The following IMMP2L variants were observed in gnomAD, a reference collection of about 807,000 sequenced individuals.
IMMP2L encodes the protein inner mitochondrial membrane peptidase subunit 2.
A neutral mutation model predicts 19.3 loss-of-function variants in IMMP2L; 18 were observed. The ratio of observed to expected loss-of-function variants is 0.93; its 90% confidence interval spans 0.64 to 1.38. The LOEUF (loss-of-function observed/expected upper bound fraction) is 1.38. IMMP2L is among the 40% of genes most tolerant of loss of function. The pLI is 0.00. For synonymous variants in IMMP2L, 76 were observed against 73.0 expected, an observed-to-expected ratio of 1.04 and a Z score of -0.21; for missense variants, 233 against 218.2, an observed-to-expected ratio of 1.07 and a Z score of -0.43.
At chr7:111,250,613 A>G (rs1171078350) in intron 3 of IMMP2L, among the ~76,000 whole-genome samples, 1 of 152,174 alleles carries the variant, frequency 6.6e-6, no homozygotes, top group Non-Finnish European at 1.5e-5. Flanking sequence ...GTCTACAACC[A>G]TCTGATTTTT....
chr7:110,844,834 G>A (rs931457596), intron 5 of IMMP2L, among the ~76,000 whole-genome samples: 2 of 151,900 alleles, frequency 1.3e-5, no homozygotes, highest in African/African-American at 4.8e-5. Flanking sequence ...CTATGGCCAG[G>A]AAATTTACTG....
In IMMP2L at chr7:111,214,796, A is replaced by AG. The variant is rs577811232; in HGVS notation, c.240-251232_240-251231insC. ...GCTCCATAACCATGTAAAAAAAAAA[A>AG]AGAGAGAGAGATAGAGATTAAAGTA... On this transcript the variant is annotated intron_variant, in intron 3 of 5. Transcript: ENST00000405709. 2.4e-4 allele frequency among the ~76,000 whole-genome samples: 36 copies of AG among 151,842 alleles called. 1 individual carries two copies. In the East Asian group the frequency reaches 5.4e-3, roughly 23 times the overall value.
intron 3 of IMMP2L, among the ~76,000 whole-genome samples, chr7:111,067,858 T>C (rs956666360): frequency 6.6e-6 from 1 of 151,826 alleles, no homozygotes; most frequent in African/African-American, 2.4e-5. Context: ...GCAAGAGAAA[T>C]AGGGAATGAA....
At chr7:111,129,796 G>A (rs963273291) in intron 3 of IMMP2L, among the ~76,000 whole-genome samples, 1 of 151,924 alleles carries the variant, frequency 6.6e-6, no homozygotes, top group Non-Finnish European at 1.5e-5. Flanking sequence ...TCTTCTAAAG[G>A]AAAATGAAAA....
chr7:111,108,297 T>G (rs1798778671), intron 3 of IMMP2L, among the ~76,000 whole-genome samples: 1 of 152,196 alleles, frequency 6.6e-6, no homozygotes, highest in African/African-American at 2.4e-5. Context: ...GCTCTTTTTG[T>G]TGTTGATACA....
At chr7:111,535,439 C>A (rs1167542570) in intron 1 of IMMP2L, among the ~76,000 whole-genome samples, 2 of 152,062 alleles carry the variant, frequency 1.3e-5, no homozygotes, top group Non-Finnish European at 2.9e-5. Flanking sequence ...AAAACAATCT[C>A]ATTAATATTC....
intron 3 of IMMP2L, among the ~76,000 whole-genome samples, chr7:110,964,468 A>G (rs1394393603): frequency 3.9e-5 from 6 of 152,218 alleles, no homozygotes; most frequent in Admixed American, 3.9e-4. Context: ...TATAGAATTC[A>G]GAGCGCTAAA....
chr7:111,180,331 A>C (rs1807564441), intron 3 of IMMP2L, among the ~76,000 whole-genome samples: 1 of 151,936 alleles, frequency 6.6e-6, no homozygotes, highest in Non-Finnish European at 1.5e-5. Context: ...AGTTGGCCTA[A>C]TTTCAATATT....
chr7:110,799,325 AAAACCAAGT>A, intron 5 of IMMP2L, among the ~76,000 whole-genome samples: 1 of 152,174 alleles, frequency 6.6e-6, no homozygotes, highest in East Asian at 1.9e-4. Context: ...CTCCTTCACT[AAAACCAAGT>A]GAAAGGGGAC....
chr7:111,521,619 T>C (rs1175237558), intron 1 of IMMP2L, among the ~76,000 whole-genome samples, 170 bp from the exon 2 acceptor site: 1 of 152,168 alleles, frequency 6.6e-6, no homozygotes, highest in Non-Finnish European at 1.5e-5. Context: ...CTTAAAGTCC[T>C]AAAGTGAAAT....
chr7:111,084,521 G>C (rs1796150543), intron 3 of IMMP2L, among the ~76,000 whole-genome samples: 1 of 152,066 alleles, frequency 6.6e-6, no homozygotes, highest in African/African-American at 2.4e-5. Context: ...ACTTGCAAGA[G>C]CACTGATATA....
At chr7:111,435,299 G>C (rs1837044976) in intron 3 of IMMP2L, among the ~76,000 whole-genome samples, 1 of 151,698 alleles carries the variant, frequency 6.6e-6, no homozygotes, top group Non-Finnish European at 1.5e-5. Context: ...CATCAATGGA[G>C]GATTTCATAA....
intron 3 of IMMP2L, among the ~76,000 whole-genome samples, chr7:111,285,353 T>G (rs1166789869): frequency 3.9e-5 from 6 of 152,114 alleles, no homozygotes; most frequent in Non-Finnish European, 8.8e-5. Context: ...TTAGCAATGT[T>G]TCCTTGGGAA....
intron 5 of IMMP2L, among the ~76,000 whole-genome samples, chr7:110,834,232 G>A (rs1469819223): frequency 6.6e-6 from 1 of 152,088 alleles, no homozygotes; most frequent in African/African-American, 2.4e-5. Context: ...GAAATTCACT[G>A]TAGTTACTGC....
At chr7:110,715,698 C>T (rs188403472) in intron 5 of IMMP2L, among the ~76,000 whole-genome samples, 26 of 152,042 alleles carry the variant, frequency 1.7e-4, no homozygotes, top group Admixed American at 5.9e-4. Flanking sequence ...TGAGCATGTT[C>T]GGGGTGTAGA....
rs971127392 is a variant in IMMP2L at position 110,712,179 on chromosome 7, T to C, written c.409-48458A>G. 2.6e-4 allele frequency among the ~76,000 whole-genome samples: 36 copies of C among 135,934 alleles called. 2 individuals are homozygous for C. Among genetic ancestry groups the C allele is most frequent in the African/African-American group, 7.2e-4 (28 of 38,660 alleles). The allele number at this position is 135,934 out of a possible 152,430, so 89.2% of individuals were successfully genotyped here. The stretch of plus-strand genomic sequence containing the variant: ...GTCTTTGATGATGGTGATGAACAGA[T>C]GGGTTTTCGGTGTAGATGTCCTTTC... On this transcript the variant is annotated intron_variant, in intron 5 of 5. Coordinates refer to ENST00000405709, the MANE Select transcript of IMMP2L (RefSeq NM_032549.4).
chr7:110,961,667 T>C (rs1039773086), intron 4 of IMMP2L, among the ~76,000 whole-genome samples: 4 of 151,860 alleles, frequency 2.6e-5, no homozygotes, highest in African/African-American at 9.7e-5. Context: ...AATCCTAATA[T>C]GCATCAAGTT....
At chr7:110,722,851 A>G (rs774896939) in intron 5 of IMMP2L, among the ~76,000 whole-genome samples, 1 of 152,100 alleles carries the variant, frequency 6.6e-6, no homozygotes. Context: ...AAGCAGAGAA[A>G]TGTGTGTGTG....
At chr7:111,369,891 T>C (rs1011576720) in intron 3 of IMMP2L, among the ~76,000 whole-genome samples, 5 of 151,882 alleles carry the variant, frequency 3.3e-5, no homozygotes, top group Non-Finnish European at 5.9e-5. Flanking sequence ...AAGAGGAAGA[T>C]GAATTAGTCC....
Sources: allele counts gnomAD v4.1 joint callset (sites outside exome capture counted in the v4.1 genomes callset), GRCh38; gene constraint gnomAD v4.1.1; transcripts MANE v1.5; gene names NCBI Gene and HGNC (gene_info 2026-07-23, HGNC 2026-07-21).